TYW1B: variants seen among roughly 807,000 people sequenced by gnomAD.
TYW1B encodes tRNA-yW synthesizing protein 1 homolog B, also known as S-adenosyl-L-methionine-dependent tRNA 4-demethylwyosine synthase TYW1B.
A neutral mutation model predicts 86.9 loss-of-function variants in TYW1B; 73 were observed. That is an observed-to-expected ratio of 0.84 (90% confidence interval 0.70 to 1.02). The LOEUF is 1.02. TYW1B is among the 50% of genes least tolerant of loss of function. The pLI is 0.00. For synonymous variants in TYW1B, 248 were observed against 292.8 expected (o/e 0.85, Z 1.56); for missense variants, 637 against 827.4 (o/e 0.77, Z 2.82).
chr7:72,649,409 AT>A lies in TYW1B; in HGVS notation c.1507-20413del, dbSNP rs1337734812. 1.0e-3 allele frequency among the ~76,000 whole-genome samples: 154 copies of A among 152,312 alleles called. 1 individual carries two copies. Among genetic ancestry groups the A allele is most frequent in the Non-Finnish European group, 1.5e-4 (10 of 68,018 alleles). On this transcript the variant is annotated intron_variant, in intron 11 of 13. Transcript: ENST00000620995. The stretch of plus-strand genomic sequence containing the variant: ...CCTATCTACAGAATACTAAACAGAA[AT>A]AAGAGAAACAATGTCATAAAAATCA...
At chr7:72,639,657 A>T (rs1332468096) in intron 11 of TYW1B, among the ~76,000 whole-genome samples, 4 of 152,094 alleles carry the variant, frequency 2.6e-5, no homozygotes, top group Admixed American at 6.6e-5. Flanking sequence ...TGAGGTCAGG[A>T]GTTCAAGACC....
chr7:72,771,492 A>C (rs1320143324), intron 7 of TYW1B, among the ~76,000 whole-genome samples: 1 of 152,192 alleles, frequency 6.6e-6, no homozygotes, highest in African/African-American at 2.4e-5. Flanking sequence ...TTAAATGTAA[A>C]TTATACCTCT....
At chr7:72,612,563 G>T (rs1554436111) in intron 13 of TYW1B, among the ~76,000 whole-genome samples, 1 of 152,090 alleles carries the variant, frequency 6.6e-6, no homozygotes, top group Non-Finnish European at 1.5e-5. Context: ...AGAAACAGAA[G>T]AACTGGGTCA....
intron 2 of TYW1B, among the ~76,000 whole-genome samples, chr7:72,816,927 A>G (rs1396377796): frequency 6.6e-6 from 1 of 152,152 alleles, no homozygotes; most frequent in Non-Finnish European, 1.5e-5. Flanking sequence ...CATCCTTTAT[A>G]ATAAACCAGT....
At chr7:72,703,012 ATATATATATATATATTT>A (rs1814516008) in intron 10 of TYW1B, among the ~76,000 whole-genome samples, 2 of 29,270 alleles carry the variant, frequency 6.8e-5, no homozygotes, top group Non-Finnish European at 7.9e-5. Flanking sequence ...ATATATATAT[ATATATATATATATATTT>A]TTTTTTTTTT....
chr7:72,652,404 A>AT (rs1481901631), intron 11 of TYW1B, among the ~76,000 whole-genome samples: 6 of 150,514 alleles, frequency 4.0e-5, no homozygotes, highest in Non-Finnish European at 8.9e-5. Context: ...AAAAAAAAAA[A>AT]AATTTTTGTG....
At chr7:72,749,591 C>T (rs1388988869) in intron 7 of TYW1B, among the ~76,000 whole-genome samples, 1 of 152,074 alleles carries the variant, frequency 6.6e-6, no homozygotes, top group Non-Finnish European at 1.5e-5. Context: ...CGCACCCAGC[C>T]TCTTTCAAGT....
At chr7:72,658,359 C>T (rs1813255115) in intron 11 of TYW1B, among the ~76,000 whole-genome samples, 1 of 150,890 alleles carries the variant, frequency 6.6e-6, no homozygotes, top group Non-Finnish European at 1.5e-5. Flanking sequence ...AGAGGTAAAA[C>T]ACATTAAAAA....
In TYW1B at chr7:72,760,126, CA is replaced by C. The variant is rs1787662992; in HGVS notation, c.965-15526del. On this transcript the variant is annotated intron_variant, in intron 7 of 13. Coordinates refer to ENST00000620995, the MANE Select transcript of TYW1B (RefSeq NM_001145440.3). ...TTGCTAATTAAGCAAACCAGACAGGCAAACAAAAGATAGATCTGTTACTAAT... is the reference window on the plus strand; with the variant it reads ...TTGCTAATTAAGCAAACCAGACAGGCAACAAAAGATAGATCTGTTACTAAT... Among the ~76,000 whole-genome samples, 4 of 152,278 alleles carry C rather than the reference CA, an allele frequency of 2.6e-5. No homozygotes were observed. The South Asian group carries it at 8.3e-4, about 32-fold the overall frequency.
chr7:72,774,578 C>T (rs1787922268), intron 7 of TYW1B, among the ~76,000 whole-genome samples: 1 of 151,724 alleles, frequency 6.6e-6, no homozygotes, highest in Non-Finnish European at 1.5e-5. Flanking sequence ...AAAAATTAGC[C>T]AGGCGTGGTA....
intron 5 of TYW1B, among the ~76,000 whole-genome samples, chr7:72,803,388 C>A (rs188381076): frequency 1.6e-4 from 24 of 152,152 alleles, no homozygotes; most frequent in African/African-American, 5.5e-4. Context: ...GGAAATGTGA[C>A]ATCACTGGGA....
chr7:72,602,645 GCTGA>G (rs1254438499), intron 13 of TYW1B, among the ~76,000 whole-genome samples: 10 of 152,130 alleles, frequency 6.6e-5, no homozygotes, highest in Non-Finnish European at 1.2e-4. Flanking sequence ...AAAACACGTG[GCTGA>G]CTGACAGCTG....
intron 8 of TYW1B, among the ~76,000 whole-genome samples, chr7:72,741,955 C>T (rs1563078616): frequency 2.0e-5 from 3 of 152,140 alleles, no homozygotes; most frequent in Non-Finnish European, 2.9e-5. Context: ...GAGTTCACTG[C>T]TAACAGACCT....
intron 11 of TYW1B, among the ~76,000 whole-genome samples, chr7:72,648,143 T>C (rs1230882674): frequency 6.6e-6 from 1 of 152,162 alleles, no homozygotes; most frequent in Non-Finnish European, 1.5e-5. Flanking sequence ...AAAACATGTA[T>C]ACATATACAC....
At chr7:72,635,996 A>G (rs1812657796) in intron 11 of TYW1B, among the ~76,000 whole-genome samples, 1 of 152,248 alleles carries the variant, frequency 6.6e-6, no homozygotes, top group Non-Finnish European at 1.5e-5. Context: ...CAATGGTCAC[A>G]TGTAGCTAGT....
Position 72,810,649 on chromosome 7 carries a change from A to G in TYW1B, c.254T>C (p.Val85Ala), listed in dbSNP as rs1187396264. The change falls in exon 4 of 14, where the codon GTC becomes GCC. Residue 85 changes from valine (V) to alanine (A), a missense_variant. Val to Ala is a moderately conservative substitution (Grantham distance 64). Transcript: ENST00000620995. ...HLIEEVTSKN[V>A]CVFLVATYTD... Reference sequence around the variant, plus strand: ...GTATGTCGCAACCAGGAAGACACAGACATTTTTACTAGTCACCTAACCAAG... The same window carrying G: ...GTATGTCGCAACCAGGAAGACACAGGCATTTTTACTAGTCACCTAACCAAG... 3 of 1,610,120 alleles carry G rather than the reference A, an allele frequency of 1.9e-6. No individual in the cohort carries two copies. The highest frequency in any genetic ancestry group is 1.1e-5 in the South Asian group (1 of 90,658).
In TYW1B at chr7:72,674,485, A is replaced by G. The variant is rs1813688659; in HGVS notation, c.1506+20202T>C. On this transcript the variant is annotated intron_variant, in intron 11 of 13. Coordinates refer to ENST00000620995, the MANE Select transcript of TYW1B (RefSeq NM_001145440.3). ...CTCCTATAGGTTTCATTCCAACTCA[A>G]AGATTTTTTTTTTAATTAGGTCTTA... Among the ~76,000 whole-genome samples the G allele has an allele frequency of 1.3e-5, 2 of 151,928 alleles. 1 individual carries two copies. Among genetic ancestry groups the G allele is most frequent in the South Asian group, 4.2e-4 (2 of 4,810 alleles).
intron 7 of TYW1B, among the ~76,000 whole-genome samples, chr7:72,758,466 G>GA (rs1232280422): frequency 2.7e-5 from 4 of 150,636 alleles, no homozygotes; most frequent in Non-Finnish European, 1.5e-5. Flanking sequence ...TTTTCTCTTA[G>GA]AAAAAAATTT....
At chr7:72,808,576 G>A (rs1788539682) in intron 4 of TYW1B, among the ~76,000 whole-genome samples, 2 of 142,300 alleles carry the variant, frequency 1.4e-5, no homozygotes, top group South Asian at 4.3e-4. Context: ...TACCCAGGCT[G>A]GAGTGCAATG....
Sources: allele counts gnomAD v4.1 joint callset (sites outside exome capture counted in the v4.1 genomes callset), GRCh38; gene constraint gnomAD v4.1.1; transcripts MANE v1.5; gene names NCBI Gene and HGNC (gene_info 2026-07-23, HGNC 2026-07-21).